Variants in MYT1L observed in about 807,000 individuals in gnomAD.
MYT1L encodes the protein myelin transcription factor 1 like.
A neutral mutation model predicts 126.7 loss-of-function variants in MYT1L; 12 were observed. The ratio of observed to expected loss-of-function variants is 0.09; its 90% CI spans 0.06 to 0.15. The LOEUF (loss-of-function observed/expected upper bound fraction) is 0.15. Among genes scored for constraint, MYT1L ranks in the 10% least tolerant of loss-of-function variants. The pLI is 1.00. For synonymous variants in MYT1L, 541 were observed against 604.2 expected (o/e 0.90, Z 1.53); for missense variants, 979 against 1,585.2 (o/e 0.62, Z 6.49).
intron 3 of MYT1L, among the ~76,000 whole-genome samples, chr2:2,143,219 T>A (rs1575461282): frequency 6.9e-6 from 1 of 144,474 alleles, no homozygotes; most frequent in Middle Eastern, 3.7e-3. Context: ...GAACTTGGGG[T>A]GCAGAGCTTG....
intron 3 of MYT1L, among the ~76,000 whole-genome samples, chr2:2,099,884 G>A (rs973827317): frequency 6.6e-6 from 1 of 152,182 alleles, no homozygotes; most frequent in Non-Finnish European, 1.5e-5. Flanking sequence ...CTCTGAGTGG[G>A]GAGGCTTGCC....
At chr2:2,006,128 C>T (rs2063304344) in intron 4 of MYT1L, among the ~76,000 whole-genome samples, 1 of 151,960 alleles carries the variant, frequency 6.6e-6, no homozygotes, top group Admixed American at 6.6e-5. Flanking sequence ...GCGTTGTTTC[C>T]TGCACGTGTT....
At chr2:1,965,818 T>C (rs73188468) in intron 8 of MYT1L, among the ~76,000 whole-genome samples, 10,355 of 152,252 alleles carry the variant, frequency 0.068, 1,098 homozygotes, top group African/African-American at 0.23. Flanking sequence ...TGCTGCTGCT[T>C]TTCAGTGGCC....
At chr2:2,003,451 C>A (rs927704970) in intron 4 of MYT1L, among the ~76,000 whole-genome samples, 3 of 152,180 alleles carry the variant, frequency 2.0e-5, no homozygotes, top group African/African-American at 7.2e-5. Context: ...TGGGTAGCTC[C>A]TCTCAGCCTC....
chr2:2,096,356 G>A (rs1333102008), intron 3 of MYT1L, among the ~76,000 whole-genome samples: 2 of 152,192 alleles, frequency 1.3e-5, no homozygotes, highest in African/African-American at 4.8e-5. Flanking sequence ...CCCCCGCTCT[G>A]CTCCCTTTCA....
intron 2 of MYT1L, among the ~76,000 whole-genome samples, chr2:2,275,348 C>T (rs896962374): frequency 2.0e-5 from 3 of 151,678 alleles, no homozygotes; most frequent in Non-Finnish European, 4.4e-5. Context: ...ATTGGTCGAA[C>T]CTAAAATGAT....
chr2:1,928,425 T>C (rs1027861969), intron 9 of MYT1L, among the ~76,000 whole-genome samples: 8 of 152,174 alleles, frequency 5.3e-5, no homozygotes, highest in Non-Finnish European at 1.2e-4. Flanking sequence ...CATCACTCAC[T>C]GTGAAACAGC....
chr2:2,231,775 A>C (rs138033335), intron 2 of MYT1L, among the ~76,000 whole-genome samples: 311 of 152,306 alleles, frequency 2.0e-3, no homozygotes, highest in African/African-American at 7.2e-3. Context: ...TATATATAAA[A>C]AAAGCATGGA....
chr2:1,791,928 C>T lies in MYT1L; in HGVS notation c.3500G>A (p.Ser1167Asn), dbSNP rs769387462. ...TTCCAGTAGGGCTTTATTTTCTGGA[C>T]TCTGATAACGATCTTGATTTGTATA... is the stretch of plus-strand genomic sequence containing the variant. The part of the protein sequence containing the change: ...EMYTNQDRYQ[S>N]PENKALLENI... The change falls in exon 25 of 25, where the codon AGT (serine) becomes AAT (asparagine). Residue 1167 changes from serine (S) to asparagine (N), a missense_variant. By Grantham distance (46) the Ser-to-Asn change is conservative. Transcript: ENST00000647738. The surrounding 1 kb of genome is among the most constrained non-coding windows in gnomAD (Gnocchi z 6.0). The T allele has an allele frequency of 8.1e-6, 13 of 1,611,436 alleles. No individual in the cohort carries two copies. The highest frequency in any genetic ancestry group is 1.0e-5 in the Non-Finnish European group (12 of 1,179,268).
chr2:2,087,728 A>C (rs1342745973), intron 3 of MYT1L, among the ~76,000 whole-genome samples: 1 of 152,244 alleles, frequency 6.6e-6, no homozygotes, highest in Non-Finnish European at 1.5e-5. Context: ...ACTCATTGAC[A>C]AGGGACTAAC....
At chr2:2,180,807 T>C (rs2091376736) in intron 2 of MYT1L, among the ~76,000 whole-genome samples, 1 of 150,684 alleles carries the variant, frequency 6.6e-6, no homozygotes, top group Non-Finnish European at 1.5e-5. Flanking sequence ...TGCACCTGTA[T>C]CCATACCTGT....
At chr2:1,956,578 A>ATCTATCTATCTT (rs2058471639) in intron 8 of MYT1L, among the ~76,000 whole-genome samples, 1 of 50,964 alleles carries the variant, frequency 2.0e-5, no homozygotes, top group Admixed American at 1.7e-4. Context: ...TTCCTATTCT[A>ATCTATCTATCTT]TCTATCTATC....
intron 18 of MYT1L, among the ~76,000 whole-genome samples, chr2:1,861,050 C>T (rs1005038853): frequency 2.0e-5 from 3 of 152,212 alleles, no homozygotes; most frequent in East Asian, 1.9e-4. Flanking sequence ...AGGGAAGCGG[C>T]GACAATGGCC....
At chr2:2,015,743 G>A (rs2064313534) in intron 4 of MYT1L, among the ~76,000 whole-genome samples, 1 of 152,198 alleles carries the variant, frequency 6.6e-6, no homozygotes, top group Non-Finnish European at 1.5e-5. Flanking sequence ...CACACCGGCT[G>A]TCCACTCTGC....
chr2:1,847,042 A>G (rs2042593061), intron 19 of MYT1L, among the ~76,000 whole-genome samples: 1 of 152,162 alleles, frequency 6.6e-6, no homozygotes, highest in Admixed American at 6.5e-5. Flanking sequence ...CCCACAGCAC[A>G]CTGGAGTGGC....
At chr2:2,254,008 A>G (rs1192990574) in intron 2 of MYT1L, among the ~76,000 whole-genome samples, 2 of 152,216 alleles carry the variant, frequency 1.3e-5, no homozygotes, top group East Asian at 1.9e-4. Flanking sequence ...CCCCCAGCAC[A>G]CTATGTATAA....
chr2:2,050,654 G>T (rs1423609342), intron 4 of MYT1L, among the ~76,000 whole-genome samples: 1 of 152,154 alleles, frequency 6.6e-6, no homozygotes, highest in Non-Finnish European at 1.5e-5. Flanking sequence ...TCCTTCTTAA[G>T]TGGAGATGCT....
At chr2:2,235,721 G>A (rs1316889819) in intron 2 of MYT1L, among the ~76,000 whole-genome samples, 1 of 152,116 alleles carries the variant, frequency 6.6e-6, no homozygotes, top group Admixed American at 6.5e-5. Flanking sequence ...TCACTGCCTT[G>A]GTCATGTACT....
chr2:2,239,103 T>C (rs546125335), intron 2 of MYT1L, among the ~76,000 whole-genome samples: 27 of 152,368 alleles, frequency 1.8e-4, no homozygotes, highest in African/African-American at 5.5e-4. Context: ...TGATAATGCA[T>C]ATACAAAAGC....
Sources: allele counts gnomAD v4.1 joint callset (sites outside exome capture counted in the v4.1 genomes callset), GRCh38; gene constraint gnomAD v4.1.1; non-coding constraint Gnocchi (gnomAD v3.1); transcripts MANE v1.5; gene names NCBI Gene and HGNC (gene_info 2026-07-23, HGNC 2026-07-21).